Variants in ATP2B1 observed in about 807,000 individuals in gnomAD.
ATP2B1 encodes ATPase plasma membrane Ca2+ transporting 1.
In ATP2B1, 14 loss-of-function variants were observed where a neutral mutation model predicts 124.2. That is an observed-to-expected ratio of 0.11 (90% CI 0.07 to 0.18). The LOEUF (loss-of-function observed/expected upper bound fraction) is 0.18, where lower values mean the gene tolerates loss of function less well. Ranked by LOEUF, ATP2B1 falls within the 10% of genes least tolerant of loss-of-function variation. ATP2B1 has a pLI of 1.00. For synonymous variants in ATP2B1, 449 were observed against 492.4 expected (o/e 0.91, Z 1.17); for missense variants, 763 against 1,466.1 (o/e 0.52, Z 7.83).
Position 89,603,235 on chromosome 12 carries a change from A to C in ATP2B1, c.2868T>G (p.Ile956Met). 6.2e-7 allele frequency: 1 copy of C among 1,603,530 alleles called. No homozygotes were observed. The highest frequency in any genetic ancestry group is 8.5e-7 in the Non-Finnish European group (1 of 1,175,712). Residue 956 changes from isoleucine (I) to methionine (M), a missense_variant, in exon 18 of 21, where the codon ATT (isoleucine) becomes ATG (methionine). By Grantham distance (10) the Ile-to-Met change is conservative. Around this residue, in one of 7 missense-constraint regions of ATP2B1, gnomAD observed 118 missense variants for 240.3 expected, o/e 0.49. Coordinates refer to ENST00000428670, the MANE Select transcript of ATP2B1 (RefSeq NM_001366521.1). This position sits in a 1 kb window ranked among gnomAD's most constrained non-coding sequence, Gnocchi z 4.3. ...GCAAAGGAGCATTTCTTCCACTATC[A>C]ATGTCAAAAAACTTTTCTCCTGAAA... ...LLFAGEKFFD[I>M]DSGRNAPLHA...
Position 89,588,422 on chromosome 12 carries a change from T to C in ATP2B1, c.*2562A>G, listed in dbSNP as rs904385521. The C allele has an allele frequency of 2.0e-5, 3 of 152,566 alleles. No homozygotes were observed. Among genetic ancestry groups the C allele is most frequent in the African/African-American group, 7.2e-5 (3 of 41,444 alleles). The allele number at this position is 152,566 out of a possible 1,614,324, so 9.5% of individuals were successfully genotyped here. ...AGGAGAAAAGGATTTTTAAAAAATATACAAAGATTAAAAACATTTGGGATG... is the reference window on the plus strand; with the variant it reads ...AGGAGAAAAGGATTTTTAAAAAATACACAAAGATTAAAAACATTTGGGATG... On this transcript the variant is annotated 3_prime_UTR_variant, in exon 21 of 21. Transcript: ENST00000428670.
intron 1 of ATP2B1, among the ~76,000 whole-genome samples, chr12:89,679,784 AAC>A (rs957676147): frequency 6.6e-6 from 1 of 152,184 alleles, no homozygotes; most frequent in African/African-American, 2.4e-5. Context: ...AAGAAAGTCC[AAC>A]ACACACTGAC....
At chr12:89,621,006 A>AT (rs1352929706) in intron 10 of ATP2B1, among the ~76,000 whole-genome samples, 3 of 152,182 alleles carry the variant, frequency 2.0e-5, no homozygotes, top group African/African-American at 7.2e-5. Flanking sequence ...TCTTTCTGTT[A>AT]TAAATAAGAT....
chr12:89,617,058 T>C lies in ATP2B1; in HGVS notation c.1830-19A>G. On this transcript the variant is annotated intron_variant, in intron 11 of 20. Transcript: ENST00000428670. ...GAAACACCTAAAAGGAAATGTTGAA[T>C]CCAAACATCAATAATTTAAAAAAAT... The C allele has an allele frequency of 6.4e-7, 1 of 1,574,720 alleles. No homozygotes were observed. The highest frequency in any genetic ancestry group is 1.1e-5 in the South Asian group (1 of 90,102).
chr12:89,691,451 A>G (rs904214522), intron 1 of ATP2B1, among the ~76,000 whole-genome samples: 2 of 152,184 alleles, frequency 1.3e-5, no homozygotes, highest in African/African-American at 4.8e-5. Context: ...GAATTGGGTT[A>G]TAAGATATTT....
intron 1 of ATP2B1, among the ~76,000 whole-genome samples, chr12:89,673,922 C>T (rs1053505538): frequency 5.9e-5 from 9 of 152,148 alleles, no homozygotes; most frequent in African/African-American, 1.7e-4. Context: ...GTTTCTTATT[C>T]GAGCATTTCA....
intron 1 of ATP2B1, among the ~76,000 whole-genome samples, chr12:89,692,011 A>G (rs1472839548): frequency 6.6e-6 from 1 of 152,164 alleles, no homozygotes; most frequent in African/African-American, 2.4e-5. Flanking sequence ...ATTAGTACTC[A>G]GGGTCACTAT....
chr12:89,660,058 A>G (rs1229273900), intron 1 of ATP2B1, among the ~76,000 whole-genome samples: 1 of 152,212 alleles, frequency 6.6e-6, no homozygotes, highest in African/African-American at 2.4e-5. Context: ...AGTGCTAAAA[A>G]TGATTATTAA....
At chr12:89,651,860 T>C (rs566523545) in intron 2 of ATP2B1, among the ~76,000 whole-genome samples, 1 of 152,322 alleles carries the variant, frequency 6.6e-6, no homozygotes, top group South Asian at 2.1e-4. Context: ...TGAGGGTTCT[T>C]TGGCTGTAAA....
chr12:89,660,625 T>C (rs1446408723), intron 1 of ATP2B1, among the ~76,000 whole-genome samples: 1 of 152,192 alleles, frequency 6.6e-6, no homozygotes, highest in Non-Finnish European at 1.5e-5. Flanking sequence ...ACACCTATTA[T>C]GTAACAGGCT....
intron 2 of ATP2B1, among the ~76,000 whole-genome samples, chr12:89,643,832 A>G (rs1884024261): frequency 6.6e-6 from 1 of 152,200 alleles, no homozygotes; most frequent in Non-Finnish European, 1.5e-5. Context: ...GCTCATGCCT[A>G]TAATCCCAAC....
At chr12:89,617,510 A>G (rs1879183153) in intron 11 of ATP2B1, among the ~76,000 whole-genome samples, 1 of 152,220 alleles carries the variant, frequency 6.6e-6, no homozygotes, top group South Asian at 2.1e-4. Flanking sequence ...AAAGAAAAAA[A>G]ATAACTTATT....
intron 1 of ATP2B1, among the ~76,000 whole-genome samples, chr12:89,694,899 G>C (rs1890955669): frequency 6.6e-6 from 1 of 151,620 alleles, no homozygotes; most frequent in African/African-American, 2.4e-5. Flanking sequence ...TCTACAAAAA[G>C]TACAAAAATT....
At chr12:89,621,927 G>GT (rs917256132) in intron 9 of ATP2B1, 136 bp from the exon 10 acceptor site, 3 of 920,028 alleles carry the variant, frequency 3.3e-6, no homozygotes, top group Non-Finnish European at 4.4e-6. Context: ...AAGTACCAAT[G>GT]TAATACTGAA....
Position 89,642,095 on chromosome 12 carries a change from C to T in ATP2B1, c.406+63G>A, listed in dbSNP as rs1025158087. 2.7e-6 allele frequency: 4 copies of T among 1,459,232 alleles called. No individual in the cohort carries two copies. The African/African-American group carries it at 5.6e-5, about 21-fold the overall frequency. 90.4% of individuals were successfully genotyped at this position (1,459,232 alleles called of 1,614,324 possible). A position where few individuals can be genotyped will look rare whatever the true frequency, so the allele number is the denominator to read the frequency against. ...ATGCTGGCCAGCTATTATTATTGTG[C>T]ATTAACTAAATGAATTAGCTGAACT... On this transcript the variant is annotated intron_variant, in intron 3 of 20. Transcript: ENST00000428670.
chr12:89,708,228 G>T (rs939548535), intron 1 of ATP2B1, among the ~76,000 whole-genome samples: 2 of 152,154 alleles, frequency 1.3e-5, no homozygotes, highest in African/African-American at 4.8e-5. Context: ...CGCCGTGGCG[G>T]GGGCGACCGG....
chr12:89,659,650 C>G (rs1565884304), intron 1 of ATP2B1, among the ~76,000 whole-genome samples: 1 of 152,168 alleles, frequency 6.6e-6, no homozygotes, highest in Non-Finnish European at 1.5e-5. Flanking sequence ...TGGTCAGGCG[C>G]AGTGGCTCAT....
At chr12:89,665,792 T>G (rs1230504541) in intron 1 of ATP2B1, among the ~76,000 whole-genome samples, 1 of 152,200 alleles carries the variant, frequency 6.6e-6, no homozygotes, top group Non-Finnish European at 1.5e-5. Flanking sequence ...TCTTAAGAGC[T>G]TCTATCCTGT....
At chr12:89,608,327 C>T (rs1258038799) in intron 15 of ATP2B1, among the ~76,000 whole-genome samples, 1 of 152,072 alleles carries the variant, frequency 6.6e-6, no homozygotes, top group Non-Finnish European at 1.5e-5. Context: ...ACCACCACAT[C>T]CAGCTAATTT....
Sources: allele counts gnomAD v4.1 joint callset (sites outside exome capture counted in the v4.1 genomes callset), GRCh38; gene constraint gnomAD v4.1.1; regional missense constraint gnomAD v4.1.1; non-coding constraint Gnocchi (gnomAD v3.1); transcripts MANE v1.5; gene names NCBI Gene and HGNC (gene_info 2026-07-23, HGNC 2026-07-21).